The following DTX3L variants were observed in gnomAD, a reference collection of about 807,000 sequenced individuals.
The protein encoded by DTX3L is deltex E3 ubiquitin ligase 3L, also known as E3 ubiquitin-protein ligase DTX3L.
Under a neutral mutation model 60.9 loss-of-function variants are expected in DTX3L, and 34 were observed. The ratio of observed to expected loss-of-function variants is 0.56; its 90% confidence interval spans 0.42 to 0.74. The LOEUF (loss-of-function observed/expected upper bound fraction) is 0.74. Among genes scored for constraint, DTX3L ranks in the 30% least tolerant of loss-of-function variants. DTX3L has a pLI of 0.00. For synonymous variants in DTX3L, 290 were observed against 316.6 expected, an observed-to-expected ratio of 0.92 and a Z score of 0.89; for missense variants, 810 against 874.0, an observed-to-expected ratio of 0.93 and a Z score of 0.92.
intron 2 of DTX3L, among the ~76,000 whole-genome samples, chr3:122,566,380 C>T (rs189453722): frequency 2.6e-5 from 4 of 151,986 alleles, no homozygotes; most frequent in Admixed American, 6.6e-5. Flanking sequence ...TCTTTTTTTC[C>T]CCCCAAGACA....
At chr3:122,565,386 C>T (rs1576457606) in intron 1 of DTX3L, among the ~76,000 whole-genome samples, 1 of 151,834 alleles carries the variant, frequency 6.6e-6, no homozygotes, top group East Asian at 1.9e-4. Context: ...GTGGTGCGCA[C>T]CTGTAATCCA....
Position 122,569,097 on chromosome 3 carries a change from G to A in DTX3L, c.1008G>A (p.Glu336=), listed in dbSNP as rs1462461536. The A allele has an allele frequency of 6.2e-7, 1 of 1,614,142 alleles. No individual in the cohort carries two copies. The highest frequency in any genetic ancestry group is 2.2e-5 in the East Asian group (1 of 44,876). The stretch of plus-strand genomic sequence containing the variant: ...AGTTTACAAAGCTCCTTATAAAGGA[G>A]AAAGGAGGCGAATTAACTCTCCTTG... ...NHQFTKLLIK[E]KGGELTLLGT... The change falls in exon 3 of 5, where the codon GAG becomes GAA. Residue 336 remains glutamate (E), a synonymous_variant. Coordinates refer to ENST00000296161, the MANE Select transcript of DTX3L (RefSeq NM_138287.3).
At chr3:122,566,829 G>A (rs867673854) in intron 2 of DTX3L, among the ~76,000 whole-genome samples, 1 of 152,102 alleles carries the variant, frequency 6.6e-6, no homozygotes. Flanking sequence ...TGGCAGACTC[G>A]GCTTCCAGGG....
At position 122,566,380 on chromosome 3, in the gene DTX3L, C is replaced by A. The variant is rs189453722; in HGVS notation, c.399+310C>A. On this transcript the variant is annotated intron_variant, in intron 2 of 4. Coordinates refer to ENST00000296161, the MANE Select transcript of DTX3L (RefSeq NM_138287.3). ...GGGGGTGGTGTTACTTCTTTTTTTC[C>A]CCCCAAGACAGAGTCTCACTTTATC... Among the ~76,000 whole-genome samples the A allele has an allele frequency of 4.3e-3, 660 of 152,104 alleles. 6 individuals carry two copies. The highest frequency in any genetic ancestry group is 6.8e-3 in the Non-Finnish European group (463 of 67,984).
Position 122,568,735 on chromosome 3 carries a change from A to C in DTX3L, c.646A>C (p.Arg216=). ...GAGGAAGCCACTCAGTCAGCAGGAG[A>C]GGGACAGCTGCATTTCTCCTTCTGA... ...TERKPLSQQE[R]DSCISPSEPE... is the part of the protein sequence containing the mutation. The change falls in exon 3 of 5, where the codon AGG becomes CGG. Residue 216 remains arginine (R), a synonymous_variant. Transcript: ENST00000296161. 6.2e-7 allele frequency: 1 copy of C among 1,614,196 alleles called. No individual in the cohort carries two copies. The highest frequency in any genetic ancestry group is 8.5e-7 in the Non-Finnish European group (1 of 1,180,040).
At position 122,572,281 on chromosome 3, in the gene DTX3L, A is replaced by G. The variant is rs1236276709; in HGVS notation, c.*534A>G. ...GTGTAAAATCTGCTGCAAAGGTGTC[A>G]TCCCTCTTGTGTCATCACTGGGGTT... is the stretch of plus-strand genomic sequence containing the variant. On this transcript the variant is annotated 3_prime_UTR_variant, in exon 5 of 5. Coordinates refer to ENST00000296161, the MANE Select transcript of DTX3L (RefSeq NM_138287.3). The G allele has an allele frequency of 1.3e-5, 2 of 152,560 alleles. No homozygotes were observed. Among genetic ancestry groups the G allele is most frequent in the Non-Finnish European group, 2.9e-5 (2 of 68,356 alleles). The allele number at this position is 152,560 out of a possible 1,614,324, so 9.5% of individuals were successfully genotyped here.
chr3:122,569,723 C>T lies in DTX3L; in HGVS notation c.1634C>T (p.Ser545Phe), dbSNP rs1319475048. 1.9e-6 allele frequency: 3 copies of T among 1,614,120 alleles called. No individual in the cohort carries two copies. Among genetic ancestry groups the T allele is most frequent in the Non-Finnish European group, 1.7e-6 (2 of 1,180,012 alleles). ...SKAASPPLKG[S>F]VSSEASELDK... is the part of the protein sequence containing the mutation. Reference sequence around the variant, plus strand: ...GCAGCTTCTCCGCCACTCAAGGGCTCTGTGAGTTCTGAGGCCTCAGAACTG... The same window carrying T: ...GCAGCTTCTCCGCCACTCAAGGGCTTTGTGAGTTCTGAGGCCTCAGAACTG... The change falls in exon 3 of 5, where the codon TCT (serine) becomes TTT (phenylalanine). Residue 545 changes from serine (S) to phenylalanine (F), a missense_variant. Transcript: ENST00000296161.
At chr3:122,564,986 G>A (rs2080536673) in intron 1 of DTX3L, among the ~76,000 whole-genome samples, 1 of 152,116 alleles carries the variant, frequency 6.6e-6, no homozygotes, top group African/African-American at 2.4e-5. Context: ...TTCCATCCAT[G>A]AACAAAAGGA....
rs1343598922 is a variant in DTX3L, at chr3:122,569,600, A to G, written c.1511A>G (p.Gln504Arg). 3 of 1,614,128 alleles carry G rather than the reference A, an allele frequency of 1.9e-6. No homozygotes were observed. The highest frequency in any genetic ancestry group is 2.5e-6 in the Non-Finnish European group (3 of 1,180,054). Residue 504 changes from glutamine (Q) to arginine (R), a missense_variant, in exon 3 of 5, where the codon CAG (glutamine) becomes CGG (arginine). Physicochemically the swap from Gln to Arg is conservative, Grantham distance 43. Coordinates refer to ENST00000296161, the MANE Select transcript of DTX3L (RefSeq NM_138287.3). ...GLPNHLAKAK[Q>R]YVLKGGGMSS... The stretch of plus-strand genomic sequence containing the variant: ...CCAAATCACCTTGCAAAGGCGAAGC[A>G]GTATGTTCTAAAAGGAGGAGGAATG...
chr3:122,568,146 C>G (rs1248341097), intron 2 of DTX3L, among the ~76,000 whole-genome samples: 1 of 152,074 alleles, frequency 6.6e-6, no homozygotes, highest in Non-Finnish European at 1.5e-5. Context: ...CTCGTCTCTA[C>G]TAAAGATACA....
At chr3:122,565,010 G>T (rs2080537195) in intron 1 of DTX3L, among the ~76,000 whole-genome samples, 1 of 152,108 alleles carries the variant, frequency 6.6e-6, no homozygotes, top group South Asian at 2.1e-4. Flanking sequence ...TCCATTTTGT[G>T]TTTTTGAGGA....
Position 122,570,525 on chromosome 3 carries a change from A to G in DTX3L, c.2006A>G (p.Glu669Gly). 1.9e-6 allele frequency: 3 copies of G among 1,614,158 alleles called. No homozygotes were observed. The highest frequency in any genetic ancestry group is 2.5e-6 in the Non-Finnish European group (3 of 1,180,026). The change falls in exon 4 of 5, where the codon GAA (glutamate) becomes GGA (glycine). Residue 669 changes from glutamate (E) to glycine (G), a missense_variant. Transcript: ENST00000296161. Reference sequence around the variant, plus strand: ...ACTGCATACTTGCCTGATAATAAGGAAGGAAGGAAGGTTTTGAAACTGCTT... The same window carrying G: ...ACTGCATACTTGCCTGATAATAAGGGAGGAAGGAAGGTTTTGAAACTGCTT... ...QRTAYLPDNK[E>G]GRKVLKLLYR...
intron 2 of DTX3L, among the ~76,000 whole-genome samples, chr3:122,568,214 CAGG>C (rs2080604378): frequency 6.6e-6 from 1 of 152,160 alleles, no homozygotes. Context: ...GAGGCTGAGG[CAGG>C]AGAATTGCTT....
At chr3:122,570,756 A>C in intron 4 of DTX3L, 84 bp downstream of exon 4, 1 of 1,393,850 alleles carries the variant, frequency 7.2e-7, no homozygotes, top group Non-Finnish European at 1.0e-6. Flanking sequence ...GGATATAAGT[A>C]GACTCTATAG....
chr3:122,566,854 A>T (rs9917729), intron 2 of DTX3L, among the ~76,000 whole-genome samples: 83,272 of 151,960 alleles, frequency 0.55, 23,015 homozygotes, highest in East Asian at 0.67. Context: ...CACCTTCTAG[A>T]GAGAGAAACA....
At chr3:122,564,717 GTA>G in intron 1 of DTX3L, 104 bp downstream of exon 1, 1 of 1,373,504 alleles carries the variant, frequency 7.3e-7, no homozygotes, top group South Asian at 1.4e-5. Context: ...GCGGGAGAAA[GTA>G]TGTCACTGTG....
At chr3:122,567,204 T>A (rs1234437862) in intron 2 of DTX3L, among the ~76,000 whole-genome samples, 1 of 152,136 alleles carries the variant, frequency 6.6e-6, no homozygotes, top group African/African-American at 2.4e-5. Flanking sequence ...GATTTTGGAT[T>A]TTTAACTTAA....
At chr3:122,566,358 G>A (rs1344130301) in intron 2 of DTX3L, among the ~76,000 whole-genome samples, 2 of 144,186 alleles carry the variant, frequency 1.4e-5, no homozygotes, top group East Asian at 2.2e-4. Flanking sequence ...GGAAGATGGG[G>A]GTGGTGTTAC....
chr3:122,565,973 T>C lies in DTX3L; in HGVS notation c.302T>C (p.Ile101Thr). ...NSIKKNTRPQ[I>T]SSLTQSQAET... ...ATAAAGAAGAACACGAGACCTCAAA[T>C]TTCTTCACTGACACAATCACAAGCA... Residue 101 changes from isoleucine (I) to threonine (T), a missense_variant, in exon 2 of 5, where the codon ATT becomes ACT. Coordinates refer to ENST00000296161, the MANE Select transcript of DTX3L (RefSeq NM_138287.3). 6.2e-7 allele frequency: 1 copy of C among 1,614,184 alleles called. No homozygotes were observed. Among genetic ancestry groups the C allele is most frequent in the Non-Finnish European group, 8.5e-7 (1 of 1,180,040 alleles).
Sources: gnomAD v4.1 joint callset for allele counts (sites outside exome capture counted in the v4.1 genomes callset) on GRCh38, gnomAD v4.1.1 for gene constraint, MANE v1.5 for transcripts, NCBI Gene and HGNC (gene_info 2026-07-23, HGNC 2026-07-21) for gene names.